Variants in GALNT16 observed in about 807,000 individuals in gnomAD.
GALNT16 encodes polypeptide N-acetylgalactosaminyltransferase 16.
Under a neutral mutation model 76.1 loss-of-function variants are expected in GALNT16, and 40 were observed. That is an observed-to-expected ratio of 0.53 (90% CI 0.41 to 0.68). GALNT16 has a LOEUF of 0.68. Among genes scored for constraint, GALNT16 ranks in the 30% least tolerant of loss-of-function variants. GALNT16 has a pLI of 0.00. For missense variants in GALNT16, 621 were observed against 731.9 expected (o/e 0.85, Z 1.75); for synonymous variants, 276 against 285.2 (o/e 0.97, Z 0.32).
At chr14:69,347,810 C>G in intron 13 of GALNT16, 67 bp from the exon 14 acceptor site, 1 of 1,568,226 alleles carries the variant, frequency 6.4e-7, no homozygotes, top group South Asian at 1.1e-5. Flanking sequence ...GCTTTATCCC[C>G]TATCTACCCA....
At position 69,285,203 on chromosome 14, in the gene GALNT16, G is replaced by A. The variant is rs529549561; in HGVS notation, c.177+24736G>A. Among the ~76,000 whole-genome samples the A allele has an allele frequency of 2.4e-4, 37 of 152,072 alleles. 1 individual carries two copies. The highest frequency in any genetic ancestry group is 8.9e-4 in the African/African-American group (37 of 41,492). ...CTACAGGCGCCCGCTACCACGCCCG[G>A]CTAATTTTTTGTATTTTTAGTAGAG... On this transcript the variant is annotated intron_variant, in intron 1 of 14. Transcript: ENST00000448469.
intron 6 of GALNT16, among the ~76,000 whole-genome samples, chr14:69,330,186 C>G (rs2140176984): frequency 6.6e-6 from 1 of 152,228 alleles, no homozygotes. Flanking sequence ...AAATGCCTAT[C>G]AACTGACGAA....
the GALNT16 span, among the ~76,000 whole-genome samples, chr14:69,368,809 G>C: frequency 6.6e-6 from 1 of 152,160 alleles, no homozygotes; most frequent in African/African-American, 2.4e-5. Context: ...TAGAAAGAAG[G>C]AATCTTTCTA....
the GALNT16 span, among the ~76,000 whole-genome samples, chr14:69,367,763 G>C: frequency 6.8e-6 from 1 of 146,194 alleles, no homozygotes; most frequent in Non-Finnish European, 1.5e-5. Flanking sequence ...AGGGTGGGGG[G>C]GAACTGCTTG....
intron 1 of GALNT16, among the ~76,000 whole-genome samples, chr14:69,293,423 A>G (rs549124510): frequency 1.3e-5 from 2 of 152,338 alleles, no homozygotes; most frequent in South Asian, 2.1e-4. Context: ...TCAAAATACA[A>G]TTGGACAAAT....
chr14:69,335,066 G>A (rs886115214), intron 9 of GALNT16, among the ~76,000 whole-genome samples: 5 of 152,144 alleles, frequency 3.3e-5, no homozygotes, highest in Non-Finnish European at 5.9e-5. Flanking sequence ...ATTTCAGTCC[G>A]GAAACTCCAC....
chr14:69,380,519 C>A, the GALNT16 span: 1 of 1,355,504 alleles, frequency 7.4e-7, no homozygotes. Context: ...CCCCAACCCC[C>A]CCAGTGCTTC....
chr14:69,287,432 G>A (rs893383011), intron 1 of GALNT16, among the ~76,000 whole-genome samples: 1 of 152,204 alleles, frequency 6.6e-6, no homozygotes, highest in Non-Finnish European at 1.5e-5. Context: ...ATCTCCTGAC[G>A]TTTGGGTAAT....
intron 1 of GALNT16, among the ~76,000 whole-genome samples, chr14:69,319,502 G>T (rs2045146817): frequency 6.6e-6 from 1 of 152,246 alleles, no homozygotes; most frequent in South Asian, 2.1e-4. Context: ...TTCAGCCCAG[G>T]GCTGATGGTT....
upstream of GALNT16, chr14:69,260,098 A>G (rs969250616): frequency 1.1e-4 from 55 of 490,388 alleles, no homozygotes; most frequent in Non-Finnish European, 1.0e-4. Context: ...GGGCATTAGG[A>G]CCGTGAGGAT....
chr14:69,331,594 G>C (rs760661588), intron 7 of GALNT16, 43 bp downstream of exon 7: 6 of 1,145,782 alleles, frequency 5.2e-6, no homozygotes, highest in Non-Finnish European at 8.0e-6. Flanking sequence ...CATGAAAGGA[G>C]GTAGGTGAGG....
chr14:69,341,799 C>G, intron 12 of GALNT16, 35 bp downstream of exon 12: 1 of 1,495,996 alleles, frequency 6.7e-7, no homozygotes, highest in South Asian at 1.2e-5. Flanking sequence ...ATCCCCCAGG[C>G]GGGTAGGGGG....
At chr14:69,367,019 G>A in the GALNT16 span, among the ~76,000 whole-genome samples, 1 of 152,140 alleles carries the variant, frequency 6.6e-6, no homozygotes, top group African/African-American at 2.4e-5. Context: ...AAGGGTTAAA[G>A]TGTATGAGCC....
the GALNT16 span, among the ~76,000 whole-genome samples, chr14:69,382,806 A>AG: frequency 4.6e-5 from 7 of 152,024 alleles, no homozygotes; most frequent in African/African-American, 1.7e-4. Flanking sequence ...AAAAAAAAAA[A>AG]AAAGCAATAA....
chr14:69,316,878 T>C (rs1174126913), intron 1 of GALNT16, among the ~76,000 whole-genome samples: 1 of 152,168 alleles, frequency 6.6e-6, no homozygotes, highest in African/African-American at 2.4e-5. Flanking sequence ...GGGACAATAT[T>C]TAGGTATTCA....
chr14:69,382,790 AAAAG>A, the GALNT16 span, among the ~76,000 whole-genome samples: 5 of 132,638 alleles, frequency 3.8e-5, no homozygotes, highest in African/African-American at 1.4e-4. Context: ...CTCTATCTCC[AAAAG>A]AAAAAAAAAA....
chr14:69,319,813 G>A (rs905772922), intron 1 of GALNT16, among the ~76,000 whole-genome samples: 2 of 152,242 alleles, frequency 1.3e-5, no homozygotes, highest in African/African-American at 4.8e-5. Context: ...AAAAGTCCCA[G>A]AGAAGATGCA....
chr14:69,341,565 C>A, intron 11 of GALNT16, 116 bp from the exon 12 acceptor site: 1 of 692,536 alleles, frequency 1.4e-6, no homozygotes, highest in Non-Finnish European at 2.6e-6. Context: ...GGCTGGAAGT[C>A]TCCTGGTCCT....
the GALNT16 span, among the ~76,000 whole-genome samples, chr14:69,377,565 G>A: frequency 6.6e-6 from 1 of 152,098 alleles, no homozygotes; most frequent in Admixed American, 6.5e-5. Context: ...CCAACACTTT[G>A]GGAGGCCAAG....
Sources: allele counts gnomAD v4.1 joint callset (sites outside exome capture counted in the v4.1 genomes callset), GRCh38; gene constraint gnomAD v4.1.1; transcripts MANE v1.5; gene names NCBI Gene and HGNC (gene_info 2026-07-23, HGNC 2026-07-21).